Variants in GGACT observed in about 807,000 individuals in gnomAD.
GGACT encodes the protein gamma-glutamylaminecyclotransferase.
For missense variants in GGACT, 241 were observed against 233.2 expected (o/e 1.03, Z -0.22); for synonymous variants, 118 against 115.3 (o/e 1.02, Z -0.15).
chr13:100,560,509 T>C (rs544490163), intron 2 of GGACT, among the ~76,000 whole-genome samples: 2 of 152,324 alleles, frequency 1.3e-5, no homozygotes, highest in South Asian at 4.1e-4. Flanking sequence ...TTAACTCAAG[T>C]CTACTTCCAG....
chr13:100,541,829 C>T (rs1159986099), intron 2 of GGACT: 1 of 152,146 alleles, frequency 6.6e-6, no homozygotes, highest in Non-Finnish European at 1.5e-5. Context: ...ACCTTCATTT[C>T]TAGGAAATAA....
intron 1 of GGACT, chr13:100,588,490 T>A (rs1875649659): frequency 6.6e-6 from 1 of 152,148 alleles, no homozygotes; most frequent in South Asian, 2.1e-4. Flanking sequence ...GTTCTGGCAA[T>A]CGCGCCCGTG....
intron 2 of GGACT, chr13:100,540,288 T>C: frequency 1.9e-6 from 2 of 1,037,320 alleles, no homozygotes; most frequent in South Asian, 2.5e-5. Context: ...GCTTTTCTTT[T>C]GGGGGAGATT....
chr13:100,572,748 A>T (rs1003670269), intron 2 of GGACT, among the ~76,000 whole-genome samples: 2 of 152,132 alleles, frequency 1.3e-5, no homozygotes, highest in South Asian at 2.1e-4. Flanking sequence ...CATTTTTCAG[A>T]TGATGTAAGC....
rs528513118 is a variant in GGACT, at chr13:100,579,577, G to T, written c.-11+4248C>A. Among the ~76,000 whole-genome samples, 5 of 152,274 alleles carry T rather than the reference G, an allele frequency of 3.3e-5. No individual in the cohort carries two copies. In the South Asian group the frequency reaches 1.0e-3, roughly 32 times the overall value. On this transcript the variant is annotated intron_variant, in intron 2 of 2. Coordinates refer to ENST00000683975, the MANE Select transcript of GGACT (RefSeq NM_001195087.2). ...CTTGGACAATGAGACCCTCATTCCAGAGGGTCCTACCCCATTCCTGGAAGG... is the reference window on the plus strand; with the variant it reads ...CTTGGACAATGAGACCCTCATTCCATAGGGTCCTACCCCATTCCTGGAAGG...
chr13:100,545,709 G>A lies in GGACT; in HGVS notation c.-10-13108C>T, dbSNP rs2088598459. Among the ~76,000 whole-genome samples the A allele has an allele frequency of 6.6e-6, 1 of 152,262 alleles. No homozygotes were observed. Among genetic ancestry groups the A allele is most frequent in the Admixed American group, 6.5e-5 (1 of 15,290 alleles). On this transcript the variant is annotated intron_variant, in intron 2 of 2. Coordinates refer to ENST00000683975, the MANE Select transcript of GGACT (RefSeq NM_001195087.2). The surrounding 1 kb of genome is among the most constrained non-coding windows in gnomAD (Gnocchi z 4.4). ...CTGGAATAACACAGCACTCCTGTGA[G>A]TGGAGAGCCCAGGAGTGTGGGATCG...
chr13:100,576,919 T>C (rs1026826839), intron 2 of GGACT, among the ~76,000 whole-genome samples: 1 of 152,150 alleles, frequency 6.6e-6, no homozygotes, highest in Non-Finnish European at 1.5e-5. Context: ...TACTGTAAAC[T>C]TAATAATAAT....
intron 2 of GGACT, among the ~76,000 whole-genome samples, chr13:100,578,205 C>G (rs923307937): frequency 6.6e-6 from 1 of 152,210 alleles, no homozygotes; most frequent in Non-Finnish European, 1.5e-5. Context: ...CTCTACAGCT[C>G]TAATCTCAAA....
chr13:100,532,156 G>A lies in GGACT; in HGVS notation c.436C>T (p.Arg146Cys), dbSNP rs192075410. ...SYDSEGPHGL[R>C]YNPRENR ...TATCTGTTCTCCCGGGGGTTGTAGC[G>A]CAGCCCGTGCGGCCCCTCGGAGTCG... The change falls in exon 3 of 3, where the codon CGC becomes TGC. Residue 146 changes from arginine (R) to cysteine (C), a missense_variant. Coordinates refer to ENST00000683975, the MANE Select transcript of GGACT (RefSeq NM_001195087.2). 8.9e-6 allele frequency: 13 copies of A among 1,455,788 alleles called. No individual in the cohort carries two copies. In the African/African-American group the frequency reaches 1.1e-4, roughly 13 times the overall value. The allele number at this position is 1,455,788 out of a possible 1,614,324, so 90.2% of individuals were successfully genotyped here.
At chr13:100,586,412 A>G (rs1485732270) in intron 1 of GGACT, among the ~76,000 whole-genome samples, 2 of 152,236 alleles carry the variant, frequency 1.3e-5, no homozygotes, top group African/African-American at 4.8e-5. Context: ...ACAAACAAAC[A>G]AACAAAATCA....
At chr13:100,543,112 G>A (rs2088569413) in intron 2 of GGACT, among the ~76,000 whole-genome samples, 1 of 149,566 alleles carries the variant, frequency 6.7e-6, no homozygotes, top group African/African-American at 2.5e-5. Flanking sequence ...GCATGCATAC[G>A]CAGACCAGGT....
intron 1 of GGACT, among the ~76,000 whole-genome samples, chr13:100,585,822 CAAAAAAAAAAAAAAAAAAAA>C (rs550006144): frequency 3.4e-5 from 1 of 29,504 alleles, no homozygotes; most frequent in Non-Finnish European, 7.8e-5. Flanking sequence ...CTGTCTCCAC[CAAAAAAAAAAAAAAAAAAAA>C]AAAAAAAAAA....
At position 100,551,774 on chromosome 13, in the gene GGACT, C is replaced by T. The variant is rs569335213; in HGVS notation, c.-10-19173G>A. 3.9e-5 allele frequency among the ~76,000 whole-genome samples: 6 copies of T among 152,280 alleles called. No homozygotes were observed. The East Asian group carries it at 5.8e-4, about 15-fold the overall frequency. ...TTCTTTAAAATTCATGCAAATTTGG[C>T]GTTGTTTTAATATAACAATGATTAT... On this transcript the variant is annotated intron_variant, in intron 2 of 2. Coordinates refer to ENST00000683975, the MANE Select transcript of GGACT (RefSeq NM_001195087.2).
chr13:100,560,708 TC>T (rs1248448874), intron 2 of GGACT, among the ~76,000 whole-genome samples: 2 of 152,254 alleles, frequency 1.3e-5, no homozygotes, highest in Admixed American at 6.5e-5. Flanking sequence ...CCCTTTAGCC[TC>T]CCCAGGTTTT....
At chr13:100,570,017 A>G (rs1419895786) in intron 2 of GGACT, among the ~76,000 whole-genome samples, 1 of 152,178 alleles carries the variant, frequency 6.6e-6, no homozygotes, top group Non-Finnish European at 1.5e-5. Flanking sequence ...TCATTCAACA[A>G]GTCTCTAGGA....
chr13:100,584,340 G>A (rs983835841), intron 1 of GGACT, among the ~76,000 whole-genome samples: 4 of 152,264 alleles, frequency 2.6e-5, no homozygotes, highest in African/African-American at 4.8e-5. Flanking sequence ...TGGTGCAGCC[G>A]GAGGTCGTTA....
chr13:100,545,912 C>T lies in GGACT; in HGVS notation c.-10-13311G>A, dbSNP rs566978862. Among the ~76,000 whole-genome samples the T allele has an allele frequency of 1.1e-4, 17 of 152,340 alleles. 1 individual carries two copies. The highest frequency in any genetic ancestry group is 6.5e-5 in the Admixed American group (1 of 15,306). ...CACATGCGTCAGCCAACCACATACTCGGAAAATGACACAGAAAGCCAGGGC... is the reference window on the plus strand; with the variant it reads ...CACATGCGTCAGCCAACCACATACTTGGAAAATGACACAGAAAGCCAGGGC... On this transcript the variant is annotated intron_variant, in intron 2 of 2. Coordinates refer to ENST00000683975, the MANE Select transcript of GGACT (RefSeq NM_001195087.2). This position sits in a 1 kb window ranked among gnomAD's most constrained non-coding sequence, Gnocchi z 4.4.
chr13:100,539,924 G>A (rs1463561285), intron 2 of GGACT: 30 of 1,478,582 alleles, frequency 2.0e-5, no homozygotes, highest in Middle Eastern at 2.4e-4. Context: ...GGTGGGGGAC[G>A]TGGGGCAGCA....
chr13:100,578,288 A>G (rs1376912082), intron 2 of GGACT, among the ~76,000 whole-genome samples: 1 of 152,242 alleles, frequency 6.6e-6, no homozygotes, highest in African/African-American at 2.4e-5. Context: ...TATTCTGCCA[A>G]TATTGTTTTT....
Sources: allele counts gnomAD v4.1 joint callset (sites outside exome capture counted in the v4.1 genomes callset), GRCh38; gene constraint gnomAD v4.1.1; non-coding constraint Gnocchi (gnomAD v3.1); transcripts MANE v1.5; gene names NCBI Gene and HGNC (gene_info 2026-07-23, HGNC 2026-07-21).